The following SIAH3 variants were observed in gnomAD, a reference collection of about 807,000 sequenced individuals.
SIAH3 encodes the protein seven in absentia homolog 3.
A neutral mutation model predicts 12.6 loss-of-function variants in SIAH3; 9 were observed. The observed-to-expected ratio is 0.72, with a 90% CI of 0.43 to 1.25. SIAH3 has a LOEUF of 1.25. Ranked by LOEUF, SIAH3 falls within the 50% of genes most tolerant of loss-of-function variation. The pLI, the probability that SIAH3 is intolerant of heterozygous loss-of-function variation, is 0.00. For missense variants in SIAH3, 390 were observed against 365.4 expected, an observed-to-expected ratio of 1.07 and a Z score of -0.55; for synonymous variants, 154 against 151.1, an observed-to-expected ratio of 1.02 and a Z score of -0.14.
At chr13:45,838,922 T>C (rs1202173119) in intron 1 of SIAH3, among the ~76,000 whole-genome samples, 1 of 152,036 alleles carries the variant, frequency 6.6e-6, no homozygotes, top group Non-Finnish European at 1.5e-5. Context: ...CCCTGATGCC[T>C]CCTTCACTCG....
chr13:45,778,722 G>C lies in SIAH3; in HGVS notation c.*4661C>G, dbSNP rs569272413. On this transcript the variant is annotated 3_prime_UTR_variant, in exon 2 of 2. Transcript: ENST00000400405. ...TCCACACCTGTGGATTCCACCAACT[G>C]TGAATCAAGAATATTCAGGAAAAAA... The C allele has an allele frequency of 4.6e-5, 7 of 151,712 alleles. No individual in the cohort carries two copies. The highest frequency in any genetic ancestry group is 1.7e-4 in the African/African-American group (7 of 41,306). 9.4% of individuals were successfully genotyped at this position (151,712 alleles called of 1,614,324 possible).
chr13:45,808,279 C>T (rs1593380157), intron 1 of SIAH3, among the ~76,000 whole-genome samples: 1 of 149,534 alleles, frequency 6.7e-6, no homozygotes, highest in South Asian at 2.1e-4. Context: ...TGTTAAACAG[C>T]ACAAAAAATT....
chr13:45,822,975 A>G (rs1011107803), intron 1 of SIAH3, among the ~76,000 whole-genome samples: 4 of 152,086 alleles, frequency 2.6e-5, no homozygotes, highest in Non-Finnish European at 5.9e-5. Context: ...AGGGGCGAGC[A>G]CTTTAGGAGC....
Position 45,805,179 on chromosome 13 carries a change from T to C in SIAH3, c.136-21122A>G, listed in dbSNP as rs193247048. ...AAAGCCATCTACAGATTCAATGCTA[T>C]TCCTATCAAACTATCAACATTACCG... On this transcript the variant is annotated intron_variant, in intron 1 of 1. Coordinates refer to ENST00000400405, the MANE Select transcript of SIAH3 (RefSeq NM_198849.3). Among the ~76,000 whole-genome samples the C allele has an allele frequency of 4.0e-3, 613 of 152,252 alleles. 2 individuals are homozygous for C. Among genetic ancestry groups the C allele is most frequent in the African/African-American group, 0.014 (594 of 41,534 alleles).
intron 1 of SIAH3, among the ~76,000 whole-genome samples, chr13:45,801,857 T>C (rs923059323): frequency 6.6e-6 from 1 of 152,188 alleles, no homozygotes; most frequent in Non-Finnish European, 1.5e-5. Flanking sequence ...GGCAAGCAGA[T>C]GAAGATATCA....
At chr13:45,784,693 CA>C (rs147937135) in intron 1 of SIAH3, among the ~76,000 whole-genome samples, 5,108 of 152,202 alleles carry the variant, frequency 0.034, 141 homozygotes, top group African/African-American at 0.072. Context: ...ACCAGGCACA[CA>C]TCTACCCTAT....
At chr13:45,816,265 T>C (rs1950634045) in intron 1 of SIAH3, among the ~76,000 whole-genome samples, 1 of 152,226 alleles carries the variant, frequency 6.6e-6, no homozygotes, top group Non-Finnish European at 1.5e-5. Context: ...TCACAAGGAC[T>C]GCAGAGAATG....
intron 1 of SIAH3, among the ~76,000 whole-genome samples, chr13:45,806,878 G>A (rs1950600277): frequency 6.6e-6 from 1 of 152,052 alleles, no homozygotes; most frequent in African/African-American, 2.4e-5. Flanking sequence ...AACCATGAAT[G>A]TTCACTATAT....
intron 1 of SIAH3, among the ~76,000 whole-genome samples, chr13:45,789,094 A>G (rs898514131): frequency 2.0e-5 from 3 of 152,206 alleles, no homozygotes; most frequent in African/African-American, 7.2e-5. Context: ...CCCTGCACAC[A>G]AAACTCAGAA....
chr13:45,814,175 C>T (rs1190060780), intron 1 of SIAH3, among the ~76,000 whole-genome samples: 3 of 139,282 alleles, frequency 2.2e-5, no homozygotes, highest in African/African-American at 8.1e-5. Flanking sequence ...GGAGGCGGAG[C>T]TTGCAGTGAG....
chr13:45,839,233 T>G (rs1445598960), intron 1 of SIAH3, among the ~76,000 whole-genome samples: 1 of 152,126 alleles, frequency 6.6e-6, no homozygotes, highest in African/African-American at 2.4e-5. Context: ...TTCTTTTTTT[T>G]TTTTAACTTT....
chr13:45,828,381 G>GTC (rs1950686337), intron 1 of SIAH3, among the ~76,000 whole-genome samples: 1 of 152,156 alleles, frequency 6.6e-6, no homozygotes, highest in Non-Finnish European at 1.5e-5. Context: ...AACGGTGCCT[G>GTC]TCCTTAGCAG....
At chr13:45,790,502 C>G (rs1209451797) in intron 1 of SIAH3, among the ~76,000 whole-genome samples, 1 of 152,126 alleles carries the variant, frequency 6.6e-6, no homozygotes, top group African/African-American at 2.4e-5. Context: ...ATCCCAGGAC[C>G]CTTTAGTTTC....
At chr13:45,841,851 C>T (rs922621792) in intron 1 of SIAH3, among the ~76,000 whole-genome samples, 1 of 152,186 alleles carries the variant, frequency 6.6e-6, no homozygotes, top group African/African-American at 2.4e-5. Flanking sequence ...GAACATTTGC[C>T]TTTTTAATGC....
intron 1 of SIAH3, among the ~76,000 whole-genome samples, chr13:45,804,657 A>G (rs1401808905): frequency 6.6e-6 from 1 of 152,132 alleles, no homozygotes; most frequent in African/African-American, 2.4e-5. Context: ...GAACTGAAAC[A>G]CGACAAGGAT....
chr13:45,835,688 G>T (rs538425432), intron 1 of SIAH3, among the ~76,000 whole-genome samples: 3 of 152,124 alleles, frequency 2.0e-5, no homozygotes, highest in Non-Finnish European at 4.4e-5. Flanking sequence ...TTAGCATTAC[G>T]CTAAACCTTA....
rs74394611 is a variant in SIAH3 at position 45,826,550 on chromosome 13, G to A, written c.135+24945C>T. Among the ~76,000 whole-genome samples, 32 of 152,170 alleles carry A rather than the reference G, an allele frequency of 2.1e-4. No individual in the cohort carries two copies. The East Asian group carries it at 6.2e-3, about 29-fold the overall frequency. On this transcript the variant is annotated intron_variant, in intron 1 of 1. Transcript: ENST00000400405. ...ATAGCGTTCTCTGCAAGTGCTCCTT[G>A]ACTCTCCGGGCTTTATTATTTATTA...
chr13:45,795,488 G>A (rs1019577312), intron 1 of SIAH3, among the ~76,000 whole-genome samples: 16 of 152,322 alleles, frequency 1.1e-4, no homozygotes, highest in African/African-American at 3.8e-4. Context: ...ACTGGGGCCT[G>A]TTTATTAAGA....
chr13:45,845,710 A>T (rs965984919), intron 1 of SIAH3, among the ~76,000 whole-genome samples: 1 of 152,128 alleles, frequency 6.6e-6, no homozygotes, highest in African/African-American at 2.4e-5. Flanking sequence ...AGGTCTTAAA[A>T]TTTTTAAATT....
Sources: gnomAD v4.1 joint callset for allele counts (sites outside exome capture counted in the v4.1 genomes callset) on GRCh38, gnomAD v4.1.1 for gene constraint, MANE v1.5 for transcripts, NCBI Gene and HGNC (gene_info 2026-07-23, HGNC 2026-07-21) for gene names.